The following DERA variants were observed in gnomAD, a reference collection of about 807,000 sequenced individuals.
The protein encoded by DERA is deoxyribose-phosphate aldolase.
In DERA, 15 loss-of-function variants were observed where a neutral mutation model predicts 41.1. The observed-to-expected ratio is 0.37, with a 90% confidence interval of 0.24 to 0.56. The LOEUF (loss-of-function observed/expected upper bound fraction) is 0.56. Among genes scored for constraint, DERA ranks in the 20% least tolerant of loss-of-function variants. DERA has a pLI of 0.81. For synonymous variants in DERA, 139 were observed against 137.4 expected, an observed-to-expected ratio of 1.01 and a Z score of -0.08; for missense variants, 396 against 403.4, an observed-to-expected ratio of 0.98 and a Z score of 0.16.
Position 15,982,691 on chromosome 12 carries a change from GT to G in DERA, c.637+257del, listed in dbSNP as rs1399344416. On this transcript the variant is annotated intron_variant, in intron 6 of 8. Transcript: ENST00000428559. This position sits in a 1 kb window ranked among gnomAD's most constrained non-coding sequence, Gnocchi z 4.0. ...TTATAAGGCAGTAGATGGCTCTCTTGTTAGTGAATTGCCTTCTGTTTTATTC... is the reference window on the plus strand; with the variant it reads ...TTATAAGGCAGTAGATGGCTCTCTTGTAGTGAATTGCCTTCTGTTTTATTC... 3.3e-5 allele frequency among the ~76,000 whole-genome samples: 5 copies of G among 152,198 alleles called. No individual in the cohort carries two copies. The highest frequency in any genetic ancestry group is 1.2e-4 in the African/African-American group (5 of 41,522).
rs560451158 is a variant in DERA, at chr12:15,999,185, A to G, written c.637+16749A>G. 3.3e-5 allele frequency among the ~76,000 whole-genome samples: 5 copies of G among 152,352 alleles called. No individual in the cohort carries two copies. Among genetic ancestry groups the G allele is most frequent in the East Asian group, 1.9e-4 (1 of 5,186 alleles). ...AACAGAAGGGCCAGGGTTCTCTGCC[A>G]TCAGTACCTGGGGATATTTCTTTCC... On this transcript the variant is annotated intron_variant, in intron 6 of 8. Coordinates refer to ENST00000428559, the MANE Select transcript of DERA (RefSeq NM_015954.4). The surrounding 1 kb of genome is among the most constrained non-coding windows in gnomAD (Gnocchi z 5.3).
rs369838819 is a variant in DERA at position 16,001,287 on chromosome 12, T to TA, written c.637+18859dup. ...TTTGTTTGTTTGTTTTTAGAAGAAATAAAAAAAACCATTCAGGCTCCCATG... is the reference window on the plus strand; with the variant it reads ...TTTGTTTGTTTGTTTTTAGAAGAAATAAAAAAAAACCATTCAGGCTCCCATG... On this transcript the variant is annotated intron_variant, in intron 6 of 8. Transcript: ENST00000428559. This position sits in a 1 kb window ranked among gnomAD's most constrained non-coding sequence, Gnocchi z 4.1. 8.0e-3 allele frequency among the ~76,000 whole-genome samples: 1,220 copies of TA among 152,052 alleles called. 15 individuals carry two copies. Among genetic ancestry groups the TA allele is most frequent in the African/African-American group, 0.027 (1,138 of 41,480 alleles).
chr12:15,976,739 A>G lies in DERA; in HGVS notation c.509-5569A>G, dbSNP rs1223233134. Among the ~76,000 whole-genome samples, 1 of 152,196 alleles carries G rather than the reference A, an allele frequency of 6.6e-6. No individual in the cohort carries two copies. The highest frequency in any genetic ancestry group is 2.4e-5 in the African/African-American group (1 of 41,460). On this transcript the variant is annotated intron_variant, in intron 5 of 8. Coordinates refer to ENST00000428559, the MANE Select transcript of DERA (RefSeq NM_015954.4). This position sits in a 1 kb window ranked among gnomAD's most constrained non-coding sequence, Gnocchi z 4.1. The stretch of plus-strand genomic sequence containing the variant: ...CCTTCCTAACCGTTTTAATACTTTT[A>G]TATTTATTGGCAGAATTTGAGAAGG...
chr12:16,024,250 AG>A (rs1164022323), intron 6 of DERA, among the ~76,000 whole-genome samples: 1 of 152,250 alleles, frequency 6.6e-6, no homozygotes, highest in Non-Finnish European at 1.5e-5. Flanking sequence ...AGTAATGGCC[AG>A]GAACTTTCCA....
At chr12:15,971,120 G>A (rs10772888) in intron 5 of DERA, among the ~76,000 whole-genome samples, 94,183 of 151,944 alleles carry the variant, frequency 0.62, 29,570 homozygotes, top group East Asian at 0.82. Flanking sequence ...AACAGCCCCG[G>A]ATTAATAACA....
intron 1 of DERA, among the ~76,000 whole-genome samples, chr12:15,951,680 G>T (rs1426516740): frequency 6.6e-6 from 1 of 152,190 alleles, no homozygotes; most frequent in Non-Finnish European, 1.5e-5. Context: ...ACGTGAGAAA[G>T]TAGGAATATA....
At position 15,976,785 on chromosome 12, in the gene DERA, G is replaced by A. The variant is rs1948700486; in HGVS notation, c.509-5523G>A. ...GAAGGGTTTGAGCTGTAAAAATAAA[G>A]CTCTCCTATCTAATCTTGAGGAGAA... On this transcript the variant is annotated intron_variant, in intron 5 of 8. Transcript: ENST00000428559. The surrounding 1 kb of genome is among the most constrained non-coding windows in gnomAD (Gnocchi z 4.1). Among the ~76,000 whole-genome samples, 1 of 152,064 alleles carries A rather than the reference G, an allele frequency of 6.6e-6. No homozygotes were observed. Among genetic ancestry groups the A allele is most frequent in the Non-Finnish European group, 1.5e-5 (1 of 68,018 alleles).
intron 1 of DERA, among the ~76,000 whole-genome samples, chr12:15,944,778 G>T (rs1190975671): frequency 6.6e-6 from 1 of 152,056 alleles, no homozygotes; most frequent in Non-Finnish European, 1.5e-5. Flanking sequence ...CATTGCTTTT[G>T]GTGTTTTAGA....
Position 16,019,639 on chromosome 12 carries a change from T to C in DERA, c.638-12903T>C, listed in dbSNP as rs73303398. On this transcript the variant is annotated intron_variant, in intron 6 of 8. Transcript: ENST00000428559. This position sits in a 1 kb window ranked among gnomAD's most constrained non-coding sequence, Gnocchi z 4.4. ...TTGCTTTTGGTGTTTCTTTTTATGG[T>C]GGTGTTCTTCCATGTGTGCCCTCTC... Among the ~76,000 whole-genome samples, 20 of 152,330 alleles carry C rather than the reference T, an allele frequency of 1.3e-4. 1 individual carries two copies. The highest frequency in any genetic ancestry group is 4.1e-4 in the African/African-American group (17 of 41,570).
Position 16,019,622 on chromosome 12 carries a change from G to T in DERA, c.638-12920G>T. 6.6e-6 allele frequency among the ~76,000 whole-genome samples: 1 copy of T among 151,984 alleles called. No homozygotes were observed. The highest frequency in any genetic ancestry group is 6.5e-5 in the Admixed American group (1 of 15,272). ...TATGCCATATACTTTCTTTGCTTTT[G>T]GTGTTTCTTTTTATGGTGGTGTTCT... On this transcript the variant is annotated intron_variant, in intron 6 of 8. Transcript: ENST00000428559. This position sits in a 1 kb window ranked among gnomAD's most constrained non-coding sequence, Gnocchi z 4.4.
chr12:15,960,404 G>A (rs1328576987), intron 4 of DERA, among the ~76,000 whole-genome samples: 1 of 151,368 alleles, frequency 6.6e-6, no homozygotes, highest in East Asian at 1.9e-4. Flanking sequence ...TTGGGAGGCC[G>A]AAGCAGGTGG....
intron 6 of DERA, among the ~76,000 whole-genome samples, chr12:15,997,774 T>G (rs998405999): frequency 2.0e-5 from 3 of 152,198 alleles, no homozygotes; most frequent in Non-Finnish European, 4.4e-5. Flanking sequence ...AAATTGAACT[T>G]TTGCCTGTCA....
At position 16,021,751 on chromosome 12, in the gene DERA, A is replaced by G. The variant is rs924309668; in HGVS notation, c.638-10791A>G. 6.6e-6 allele frequency among the ~76,000 whole-genome samples: 1 copy of G among 152,096 alleles called. No homozygotes were observed. Among genetic ancestry groups the G allele is most frequent in the Non-Finnish European group, 1.5e-5 (1 of 68,022 alleles). Reference sequence around the variant, plus strand: ...TTAAGACTTAATGACTGCCCTGCTGAGTTTGGGGCTTGTATGAGGCCTATA... The same window carrying G: ...TTAAGACTTAATGACTGCCCTGCTGGGTTTGGGGCTTGTATGAGGCCTATA... On this transcript the variant is annotated intron_variant, in intron 6 of 8. Transcript: ENST00000428559. This position sits in a 1 kb window ranked among gnomAD's most constrained non-coding sequence, Gnocchi z 5.3.
intron 6 of DERA, among the ~76,000 whole-genome samples, chr12:16,005,639 C>T (rs1948904445): frequency 6.6e-6 from 1 of 152,152 alleles, no homozygotes; most frequent in Admixed American, 6.5e-5. Flanking sequence ...TATACCCCTG[C>T]AAGCCATTCA....
At position 15,959,872 on chromosome 12, in the gene DERA, T is replaced by G. The variant is rs774774116; in HGVS notation, c.321T>G (p.Cys107Trp). ...TTTGTGTTTATCCCGCCCGGGTGTG[T>G]GATGCTGTAAAAGCACTCAAGGCTG... ...AAVCVYPARVCDAVKALKAAG... is the reference protein window; with the variant it reads ...AAVCVYPARVWDAVKALKAAG... The change falls in exon 4 of 9, where the codon TGT becomes TGG. Residue 107 changes from cysteine to tryptophan, a missense_variant. Coordinates refer to ENST00000428559, the MANE Select transcript of DERA (RefSeq NM_015954.4). The surrounding 1 kb of genome is among the most constrained non-coding windows in gnomAD (Gnocchi z 4.5). The G allele has an allele frequency of 6.4e-7, 1 of 1,551,972 alleles. No individual in the cohort carries two copies.
rs540407444 is a variant in DERA at position 15,928,446 on chromosome 12, A to T, written c.31+17032A>T. ...TACTTTAAATTTCAACTCTTTCTGT[A>T]TTTGCATTTTGGACTATATGGTGGA... On this transcript the variant is annotated intron_variant, in intron 1 of 8. Transcript: ENST00000428559. The surrounding 1 kb of genome is among the most constrained non-coding windows in gnomAD (Gnocchi z 4.6). Among the ~76,000 whole-genome samples, 93 of 152,318 alleles carry T rather than the reference A, an allele frequency of 6.1e-4. No homozygotes were observed. Among genetic ancestry groups the T allele is most frequent in the African/African-American group, 2.1e-3 (89 of 41,572 alleles).
chr12:15,926,310 T>A (rs1364262588), intron 1 of DERA, among the ~76,000 whole-genome samples: 4 of 152,166 alleles, frequency 2.6e-5, no homozygotes, highest in African/African-American at 9.7e-5. Flanking sequence ...AACAGGTGTG[T>A]GCCACTGCTC....
rs1422882577 is a variant in DERA, at chr12:16,037,216, G to T, written c.*470G>T. 1.3e-5 allele frequency: 2 copies of T among 152,390 alleles called. No individual in the cohort carries two copies. Among genetic ancestry groups the T allele is most frequent in the African/African-American group, 4.8e-5 (2 of 41,398 alleles). The allele number at this position is 152,390 out of a possible 1,614,324, so 9.4% of individuals were successfully genotyped here. On this transcript the variant is annotated 3_prime_UTR_variant, in exon 9 of 9. Coordinates refer to ENST00000428559, the MANE Select transcript of DERA (RefSeq NM_015954.4). The surrounding 1 kb of genome is among the most constrained non-coding windows in gnomAD (Gnocchi z 6.7). ...CCGTGGATAGGCGCTTTTATTAATT[G>T]TTGTCCTAATGAAATTTCTGACATT...
intron 6 of DERA, among the ~76,000 whole-genome samples, chr12:16,032,153 T>C (rs1376322488): frequency 6.6e-6 from 1 of 152,180 alleles, no homozygotes; most frequent in African/African-American, 2.4e-5. Flanking sequence ...CATGAGCAAA[T>C]TAGGAGAAAA....
Sources: gnomAD v4.1 joint callset for allele counts (sites outside exome capture counted in the v4.1 genomes callset) on GRCh38, gnomAD v4.1.1 for gene constraint, Gnocchi (gnomAD v3.1) non-coding constraint, MANE v1.5 for transcripts, NCBI Gene and HGNC (gene_info 2026-07-23, HGNC 2026-07-21) for gene names.